Variants in AKAP13 observed in about 807,000 individuals in gnomAD.
The protein encoded by AKAP13 is A-kinase anchoring protein 13.
A neutral mutation model predicts 264.5 loss-of-function variants in AKAP13; 80 were observed. That is an observed-to-expected ratio of 0.30 (90% CI 0.25 to 0.36). The LOEUF (loss-of-function observed/expected upper bound fraction) is 0.36. AKAP13 is among the 10% of genes least tolerant of loss of function. The pLI is 1.00. For missense variants in AKAP13, 3,712 were observed against 3,435.2 expected (o/e 1.08, Z -2.01); for synonymous variants, 1,380 against 1,250.2 (o/e 1.10, Z -2.19).
At chr15:85,472,474 C>G (rs1042472428) in intron 1 of AKAP13, among the ~76,000 whole-genome samples, 1 of 152,176 alleles carries the variant, frequency 6.6e-6, no homozygotes, top group African/African-American at 2.4e-5. Context: ...TGTTCATTCC[C>G]TGAATTTCAA....
chr15:85,529,096 C>T (rs889292205), intron 3 of AKAP13, among the ~76,000 whole-genome samples: 8 of 152,278 alleles, frequency 5.3e-5, no homozygotes, highest in African/African-American at 1.9e-4. Flanking sequence ...TTTCTCATCC[C>T]CATGTCTTTG....
chr15:85,605,841 G>C (rs2080299420), intron 8 of AKAP13, among the ~76,000 whole-genome samples: 1 of 151,882 alleles, frequency 6.6e-6, no homozygotes, highest in South Asian at 2.1e-4. Context: ...TTGTATTTCT[G>C]TCATGCCTCA....
rs151040251 is a variant in AKAP13 at position 85,573,298 on chromosome 15, G to A, written c.663-1833G>A. On this transcript the variant is annotated intron_variant, in intron 5 of 36. Coordinates refer to ENST00000394518, the MANE Select transcript of AKAP13 (RefSeq NM_007200.5). Reference sequence around the variant, plus strand: ...TGGGATTATAATAACTGTGATATAGGTTGGGAGGCCAAGGTGGGTGGATCA... The same window carrying A: ...TGGGATTATAATAACTGTGATATAGATTGGGAGGCCAAGGTGGGTGGATCA... Among the ~76,000 whole-genome samples, 963 of 152,144 alleles carry A rather than the reference G, an allele frequency of 6.3e-3. 11 individuals carry two copies. The highest frequency in any genetic ancestry group is 0.022 in the African/African-American group (902 of 41,506).
At chr15:85,586,462 C>T (rs1173018485) in intron 8 of AKAP13, among the ~76,000 whole-genome samples, 1 of 152,076 alleles carries the variant, frequency 6.6e-6, no homozygotes, top group Non-Finnish European at 1.5e-5. Flanking sequence ...CCTCAGCCTC[C>T]CAAAGTGCTG....
At chr15:85,433,319 T>G (rs1196020740) in intron 1 of AKAP13, among the ~76,000 whole-genome samples, 1 of 152,152 alleles carries the variant, frequency 6.6e-6, no homozygotes, top group Non-Finnish European at 1.5e-5. Context: ...TTTTCAAGTA[T>G]CTTCATATAT....
Position 85,730,560 on chromosome 15 carries a change from AAGG to A in AKAP13, c.7138_7140del (p.Glu2380del), listed in dbSNP as rs2087930277. 6.2e-7 allele frequency: 1 copy of A among 1,614,144 alleles called. No individual in the cohort carries two copies. The highest frequency in any genetic ancestry group is 8.5e-7 in the Non-Finnish European group (1 of 1,180,008). On this transcript the variant is annotated inframe_deletion, in exon 30 of 37. Transcript: ENST00000394518. ...AAAAATCCTACTCTTGTTGGAAGAG[AAGG>A]AGATGATTTTCCGGGACATGGCTGA...
chr15:85,645,780 T>TTG (rs2082534402), intron 9 of AKAP13, 38 bp from the exon 10 acceptor site: 6 of 1,541,370 alleles, frequency 3.9e-6, no homozygotes, highest in Middle Eastern at 1.8e-4. Flanking sequence ...TTTTTGTTTT[T>TTG]TTTTTTTCAA....
intron 19 of AKAP13, among the ~76,000 whole-genome samples, chr15:85,714,982 T>A (rs2086844044): frequency 6.6e-6 from 1 of 152,030 alleles, no homozygotes; most frequent in East Asian, 1.9e-4. Flanking sequence ...AAAAAGAAAT[T>A]CTTTCAATCT....
intron 8 of AKAP13, among the ~76,000 whole-genome samples, chr15:85,614,557 G>A (rs2080853744): frequency 6.6e-6 from 1 of 152,102 alleles, no homozygotes; most frequent in Non-Finnish European, 1.5e-5. Context: ...ATCTTTTTCT[G>A]TCCTTTAGCA....
At position 85,512,813 on chromosome 15, in the gene AKAP13, T is replaced by TTATG. The variant is rs146236698; in HGVS notation, c.34-8561_34-8558dup. Among the ~76,000 whole-genome samples, 1,353 of 145,844 alleles carry TTATG rather than the reference T, an allele frequency of 9.3e-3. 9 individuals are homozygous for TTATG. The highest frequency in any genetic ancestry group is 0.022 in the East Asian group (107 of 4,890). On this transcript the variant is annotated intron_variant, in intron 2 of 36. Transcript: ENST00000394518. ...CATGCTCCTACAGTGTTGACTATTT[T>TTATG]TATGTATGTATGTATGTATGTATGT...
At position 85,708,678 on chromosome 15, in the gene AKAP13, G is replaced by A. The variant is rs1373409446; in HGVS notation, c.5532+592G>A. On this transcript the variant is annotated intron_variant, in intron 18 of 36. Transcript: ENST00000394518. The surrounding 1 kb of genome is among the most constrained non-coding windows in gnomAD (Gnocchi z 4.3). ...GCCCTTAAAAAAAAGTGTGGGTTAA[G>A]GGCCATACCTTTTAGGTAGCCTGTG... 6.6e-6 allele frequency among the ~76,000 whole-genome samples: 1 copy of A among 152,202 alleles called. No individual in the cohort carries two copies. Among genetic ancestry groups the A allele is most frequent in the Admixed American group, 6.5e-5 (1 of 15,280 alleles).
intron 1 of AKAP13, among the ~76,000 whole-genome samples, chr15:85,412,942 CAG>C (rs1179225927): frequency 6.6e-5 from 10 of 152,166 alleles, no homozygotes; most frequent in African/African-American, 2.2e-4. Flanking sequence ...TTTTACAAAT[CAG>C]GGGGCTAAGG....
intron 1 of AKAP13, among the ~76,000 whole-genome samples, chr15:85,468,694 A>C (rs934487374): frequency 6.6e-6 from 1 of 152,104 alleles, no homozygotes; most frequent in African/African-American, 2.4e-5. Context: ...AATATAATTA[A>C]ATTAACATTT....
At chr15:85,607,789 C>T (rs572559370) in intron 8 of AKAP13, among the ~76,000 whole-genome samples, 1 of 152,104 alleles carries the variant, frequency 6.6e-6, no homozygotes, top group African/African-American at 2.4e-5. Flanking sequence ...TAAAAATTTC[C>T]AGAACATTAA....
intron 1 of AKAP13, among the ~76,000 whole-genome samples, chr15:85,468,680 T>C (rs2074844319): frequency 6.6e-6 from 1 of 152,222 alleles, no homozygotes; most frequent in African/African-American, 2.4e-5. Flanking sequence ...GAAGTCTGAC[T>C]TAAAATATAA....
At chr15:85,451,063 A>T (rs2074071552) in intron 1 of AKAP13, among the ~76,000 whole-genome samples, 1 of 152,116 alleles carries the variant, frequency 6.6e-6, no homozygotes, top group Non-Finnish European at 1.5e-5. Flanking sequence ...TATATTTAAG[A>T]TAGTTAGGTC....
intron 30 of AKAP13, 32 bp from the exon 31 acceptor site, chr15:85,734,960 G>C (rs1193631410): frequency 4.4e-6 from 7 of 1,606,288 alleles, no homozygotes; most frequent in Middle Eastern, 1.7e-4. Flanking sequence ...TGAAAGATAA[G>C]ATGTCAGCTT....
intron 35 of AKAP13, among the ~76,000 whole-genome samples, chr15:85,742,363 C>T (rs1440111324): frequency 6.6e-6 from 1 of 152,202 alleles, no homozygotes; most frequent in Non-Finnish European, 1.5e-5. Flanking sequence ...ATAAAAGAGC[C>T]TCCAGAACAT....
At chr15:85,533,999 CTTAGAA>C in intron 4 of AKAP13, 119 bp downstream of exon 4, 1 of 1,107,634 alleles carries the variant, frequency 9.0e-7, no homozygotes, top group East Asian at 2.6e-5. Context: ...CTGCGTAAAT[CTTAGAA>C]TTACTGTAGG....
Sources: allele counts gnomAD v4.1 joint callset (sites outside exome capture counted in the v4.1 genomes callset), GRCh38; gene constraint gnomAD v4.1.1; non-coding constraint Gnocchi (gnomAD v3.1); transcripts MANE v1.5; gene names NCBI Gene and HGNC (gene_info 2026-07-23, HGNC 2026-07-21).